Variants in COX19 observed in about 807,000 individuals in gnomAD.
COX19 encodes cytochrome c oxidase assembly factor COX19.
A neutral mutation model predicts 6.8 loss-of-function variants in COX19; 8 were observed. The ratio of observed to expected loss-of-function variants is 1.18; its 90% CI spans 0.69 to 2.12. COX19 has a LOEUF of 2.12. COX19 is among the 30% of genes most tolerant of loss of function. The pLI is 0.00. For synonymous variants in COX19, 51 were observed against 38.0 expected, an observed-to-expected ratio of 1.34 and a Z score of -1.26; for missense variants, 131 against 104.6, an observed-to-expected ratio of 1.25 and a Z score of -1.10.
Position 969,122 on chromosome 7 carries a change from T to G in COX19, c.*256A>C. 2.3e-6 allele frequency: 1 copy of G among 440,780 alleles called. No individual in the cohort carries two copies. Among genetic ancestry groups the G allele is most frequent in the Non-Finnish European group, 4.1e-6 (1 of 246,294 alleles). 27.3% of individuals were successfully genotyped at this position (440,780 alleles called of 1,614,324 possible). On this transcript the variant is annotated 3_prime_UTR_variant, in exon 3 of 3. Transcript: ENST00000344111. ...AGGGCCCCGGCCTCGAAGACAAGGG[T>G]CTTGCCCCACGCTCGCCTCCCTCCC...
At position 966,147 on chromosome 7, in the gene COX19, CTT is replaced by C. The variant is rs11291741; in HGVS notation, c.*3229_*3230del. 18,562 of 130,202 alleles carry C rather than the reference CTT, an allele frequency of 0.14. 1,510 individuals are homozygous for C. Among genetic ancestry groups the C allele is most frequent in the African/African-American group, 0.29 (9,886 of 34,666 alleles). 8.1% of individuals were successfully genotyped at this position (130,202 alleles called of 1,614,324 possible). ...CCCATTACAATAATTAATTTTCTTT[CTT>C]TTTTTTTTTTTTTTTTCCTTTGGTG... On this transcript the variant is annotated 3_prime_UTR_variant, in exon 3 of 3. Coordinates refer to ENST00000344111, the MANE Select transcript of COX19 (RefSeq NM_001031617.3).
chr7:969,583 C>T, intron 2 of COX19, 127 bp from the exon 3 acceptor site: 1 of 710,932 alleles, frequency 1.4e-6, no homozygotes, highest in Non-Finnish European at 2.5e-6. Context: ...GGGAGAGTGG[C>T]CCCTCGGCCT....
At position 965,261 on chromosome 7, in the gene COX19, A is replaced by T. The variant is rs559064179; in HGVS notation, c.*4117T>A. 6.6e-6 allele frequency among the ~76,000 whole-genome samples: 1 copy of T among 152,350 alleles called. No homozygotes were observed. The highest frequency in any genetic ancestry group is 1.9e-4 in the East Asian group (1 of 5,192). ...TATTTTTTTTTCCTCATTTCAAAAT[A>T]ATTTCAGACTTCCAAAAAGTTCCAA... On this transcript the variant is annotated 3_prime_UTR_variant, in exon 3 of 3. Transcript: ENST00000344111.
In COX19 at chr7:965,756, C is replaced by T. The variant is rs1583200725; in HGVS notation, c.*3622G>A. ...CCTGGTTTAGGCAATTCTCCCACCT[C>T]GGCCTCCCGAATAGCTGGATTACAG... On this transcript the variant is annotated 3_prime_UTR_variant, in exon 3 of 3. Coordinates refer to ENST00000344111, the MANE Select transcript of COX19 (RefSeq NM_001031617.3). Among the ~76,000 whole-genome samples the T allele has an allele frequency of 6.6e-6, 1 of 152,208 alleles. No homozygotes were observed. The highest frequency in any genetic ancestry group is 2.4e-5 in the African/African-American group (1 of 41,452).
chr7:973,337 T>C, intron 1 of COX19, 45 bp from the exon 2 acceptor site: 1 of 1,527,122 alleles, frequency 6.5e-7, no homozygotes, highest in Admixed American at 2.2e-5. Flanking sequence ...GAGTGAAAAG[T>C]GATGCAACCA....
rs576714116 is a variant in COX19, at chr7:965,403, T to C, written c.*3975A>G. On this transcript the variant is annotated 3_prime_UTR_variant, in exon 3 of 3. Coordinates refer to ENST00000344111, the MANE Select transcript of COX19 (RefSeq NM_001031617.3). The stretch of plus-strand genomic sequence containing the variant: ...TTTGGGTCTGTGTCTGTTGTCTCCT[T>C]GGGATTACATTCAGGCCATGCAGTT... Among the ~76,000 whole-genome samples the C allele has an allele frequency of 2.0e-5, 3 of 152,184 alleles. No individual in the cohort carries two copies. Among genetic ancestry groups the C allele is most frequent in the Non-Finnish European group, 2.9e-5 (2 of 68,036 alleles).
intron 2 of COX19, among the ~76,000 whole-genome samples, chr7:971,255 C>T (rs756077095): frequency 5.3e-5 from 8 of 152,192 alleles, no homozygotes; most frequent in Non-Finnish European, 8.8e-5. Context: ...TCATCTGAAA[C>T]ACACCTATAT....
Sources: gnomAD v4.1 joint callset for allele counts (sites outside exome capture counted in the v4.1 genomes callset) on GRCh38, gnomAD v4.1.1 for gene constraint, MANE v1.5 for transcripts, NCBI Gene and HGNC (gene_info 2026-07-23, HGNC 2026-07-21) for gene names.